COL19A1: variants seen among roughly 807,000 people sequenced by gnomAD.
COL19A1 encodes collagen alpha-1(XIX) chain.
Under a neutral mutation model 190.2 loss-of-function variants are expected in COL19A1, and 159 were observed. The ratio of observed to expected loss-of-function variants is 0.84; its 90% CI spans 0.73 to 0.95. The LOEUF is 0.95. COL19A1 is among the 40% of genes least tolerant of loss of function. The pLI is 0.00. For missense variants in COL19A1, 1,418 were observed against 1,431.9 expected, an observed-to-expected ratio of 0.99 and a Z score of 0.16; for synonymous variants, 509 against 458.9, an observed-to-expected ratio of 1.11 and a Z score of -1.39.
intron 15 of COL19A1, among the ~76,000 whole-genome samples, chr6:70,072,959 T>TTTTATTTA (rs70987496): frequency 0.21 from 30,449 of 143,944 alleles, 5,031 homozygotes; most frequent in African/African-American, 0.44. Context: ...ATTGCCTGAA[T>TTTTATTTA]TTTATTTATT....
At chr6:70,083,536 A>G (rs1181501685) in intron 15 of COL19A1, among the ~76,000 whole-genome samples, 1 of 152,226 alleles carries the variant, frequency 6.6e-6, no homozygotes, top group Non-Finnish European at 1.5e-5. Context: ...TTCCCATAGA[A>G]TTAGAGAAGT....
intron 14 of COL19A1, among the ~76,000 whole-genome samples, chr6:70,043,551 G>A (rs1382887807): frequency 6.6e-6 from 1 of 152,190 alleles, no homozygotes; most frequent in Non-Finnish European, 1.5e-5. Flanking sequence ...TCACCCATGG[G>A]CTGAAGAATG....
Position 70,109,136 on chromosome 6 carries a change from G to A in COL19A1, c.1278+6914G>A, listed in dbSNP as rs930129354. 5.3e-5 allele frequency among the ~76,000 whole-genome samples: 8 copies of A among 152,088 alleles called. No individual in the cohort carries two copies. The East Asian group carries it at 5.8e-4, about 11-fold the overall frequency. ...TGGTTAATAAGCAGTTAAATAAATA[G>A]ACAAAACAATTTCGGTTTAGAGTGA... On this transcript the variant is annotated intron_variant, in intron 16 of 50. Coordinates refer to ENST00000620364, the MANE Select transcript of COL19A1 (RefSeq NM_001858.6).
At chr6:70,116,510 T>A (rs1442916634) in intron 16 of COL19A1, among the ~76,000 whole-genome samples, 1 of 152,158 alleles carries the variant, frequency 6.6e-6, no homozygotes, top group Admixed American at 6.6e-5. Flanking sequence ...AATGTAAATG[T>A]GCTTTACTAA....
chr6:69,906,012 A>G (rs1379929202), intron 4 of COL19A1, among the ~76,000 whole-genome samples: 2 of 152,194 alleles, frequency 1.3e-5, no homozygotes, highest in African/African-American at 4.8e-5. Flanking sequence ...AGCAAAGAAG[A>G]TTATATTTTG....
chr6:69,927,821 T>C, intron 4 of COL19A1, 88 bp from the exon 5 acceptor site: 2 of 1,440,696 alleles, frequency 1.4e-6, no homozygotes, highest in Non-Finnish European at 1.9e-6. Context: ...ATGACTGAGA[T>C]ATTGTGTTAC....
At chr6:69,939,876 T>A (rs1773358552) in intron 9 of COL19A1, among the ~76,000 whole-genome samples, 1 of 152,130 alleles carries the variant, frequency 6.6e-6, no homozygotes, top group Non-Finnish European at 1.5e-5. Flanking sequence ...GTTATACCTA[T>A]ACTATAAAGT....
chr6:70,027,069 A>T (rs1292599165), intron 12 of COL19A1, among the ~76,000 whole-genome samples: 1 of 152,190 alleles, frequency 6.6e-6, no homozygotes, highest in African/African-American at 2.4e-5. Flanking sequence ...TTTGATTTGA[A>T]TTAAAGTCAA....
intron 37 of COL19A1, among the ~76,000 whole-genome samples, chr6:70,166,426 A>G (rs1480023783): frequency 1.3e-5 from 2 of 152,238 alleles, no homozygotes; most frequent in African/African-American, 4.8e-5. Context: ...AACTCTATTT[A>G]TGTAGCTCTT....
intron 11 of COL19A1, among the ~76,000 whole-genome samples, chr6:70,020,936 C>A (rs1582699840): frequency 6.6e-6 from 1 of 152,064 alleles, no homozygotes; most frequent in Non-Finnish European, 1.5e-5. Flanking sequence ...TATTTTCCAG[C>A]CTATATTTTT....
chr6:70,190,208 A>G (rs1473950752), intron 47 of COL19A1, 107 bp from the exon 48 acceptor site: 1 of 796,052 alleles, frequency 1.3e-6, no homozygotes, highest in African/African-American at 1.8e-5. Context: ...TTTCTTGATA[A>G]ATGCATCCCT....
chr6:70,113,084 TGA>T (rs1347186955), intron 16 of COL19A1, among the ~76,000 whole-genome samples: 1 of 152,164 alleles, frequency 6.6e-6, no homozygotes, highest in Admixed American at 6.5e-5. Flanking sequence ...TATCTTAGAC[TGA>T]GACACTTAGG....
chr6:70,206,866 T>A, intron 49 of COL19A1, 35 bp from the exon 50 acceptor site: 2 of 1,590,432 alleles, frequency 1.3e-6, no homozygotes, highest in Non-Finnish European at 1.7e-6. Flanking sequence ...TAGAACCCTT[T>A]TTGTGTGTCT....
At chr6:69,985,770 T>C (rs985017248) in intron 11 of COL19A1, among the ~76,000 whole-genome samples, 3 of 152,192 alleles carry the variant, frequency 2.0e-5, no homozygotes, top group African/African-American at 4.8e-5. Context: ...TAAAAATGCA[T>C]ATTATTAATT....
intron 48 of COL19A1, among the ~76,000 whole-genome samples, chr6:70,198,526 A>G (rs966969150): frequency 7.9e-5 from 12 of 152,194 alleles, no homozygotes; most frequent in African/African-American, 2.9e-4. Context: ...AGTTGTTCAT[A>G]TATTAGATTT....
intron 14 of COL19A1, among the ~76,000 whole-genome samples, chr6:70,044,209 AG>A (rs1369096147): frequency 1.3e-5 from 2 of 152,188 alleles, no homozygotes; most frequent in African/African-American, 4.8e-5. Flanking sequence ...CTTTGATTTA[AG>A]GGAATGTTGT....
chr6:70,153,642 C>T (rs1456377581), intron 31 of COL19A1, among the ~76,000 whole-genome samples: 1 of 152,012 alleles, frequency 6.6e-6, no homozygotes, highest in Non-Finnish European at 1.5e-5. Flanking sequence ...AATGTTGCTC[C>T]ATATTGATAT....
chr6:70,062,862 C>G (rs1780924922), intron 14 of COL19A1, among the ~76,000 whole-genome samples: 1 of 151,754 alleles, frequency 6.6e-6, no homozygotes, highest in South Asian at 2.1e-4. Context: ...TTTAAACCAA[C>G]AAAGATCAAA....
chr6:70,149,590 G>T, intron 27 of COL19A1, 114 bp from the exon 28 acceptor site: 2 of 1,345,162 alleles, frequency 1.5e-6, no homozygotes, highest in Non-Finnish European at 2.0e-6. Flanking sequence ...TGTGTACGGT[G>T]GCAAACCCTG....
Sources: gnomAD v4.1 joint callset for allele counts (sites outside exome capture counted in the v4.1 genomes callset) on GRCh38, gnomAD v4.1.1 for gene constraint, MANE v1.5 for transcripts, NCBI Gene and HGNC (gene_info 2026-07-23, HGNC 2026-07-21) for gene names.